The following RPGRIP1 variants were observed in gnomAD, a reference collection of about 807,000 sequenced individuals.
RPGRIP1 encodes RPGR interacting protein 1.
Under a neutral mutation model 157.9 loss-of-function variants are expected in RPGRIP1, and 128 were observed. The observed-to-expected ratio is 0.81, with a 90% CI of 0.70 to 0.94. The LOEUF is 0.94. Among genes scored for constraint, RPGRIP1 ranks in the 40% least tolerant of loss-of-function variants. The pLI is 0.00. For missense variants in RPGRIP1, 1,486 were observed against 1,545.8 expected (o/e 0.96, Z 0.65); for synonymous variants, 554 against 571.6 (o/e 0.97, Z 0.44).
chr14:21,297,286 G>A (rs1163964164), intron 3 of RPGRIP1, among the ~76,000 whole-genome samples: 1 of 152,018 alleles, frequency 6.6e-6, no homozygotes, highest in African/African-American at 2.4e-5. Context: ...GTAGAGACAG[G>A]GTTTCACCAT....
At position 21,320,636 on chromosome 14, in the gene RPGRIP1, G is replaced by T. The variant is rs1242175768; in HGVS notation, c.1467+459G>T. Among the ~76,000 whole-genome samples the T allele has an allele frequency of 5.7e-5, 5 of 88,082 alleles. 1 individual carries two copies. The highest frequency in any genetic ancestry group is 7.0e-4 in the East Asian group (2 of 2,854). 57.8% of individuals were successfully genotyped at this position (88,082 alleles called of 152,430 possible). ...TTTTTTGAGATGGAGTTTTGCTCTT[G>T]TTTCCCAGGCTGGAGTGCAATGGCG... On this transcript the variant is annotated intron_variant, in intron 12 of 24. Transcript: ENST00000400017.
chr14:21,344,960 GATTTTC>G (rs1885414771), intron 22 of RPGRIP1, among the ~76,000 whole-genome samples, 147 bp from the exon 23 acceptor site: 1 of 151,946 alleles, frequency 6.6e-6, no homozygotes, highest in Admixed American at 6.6e-5. Context: ...ACACACAAAT[GATTTTC>G]AAAGCAGTTG....
chr14:21,289,130 A>C (rs1271375479), intron 2 of RPGRIP1, among the ~76,000 whole-genome samples: 1 of 151,972 alleles, frequency 6.6e-6, no homozygotes, highest in African/African-American at 2.4e-5. Context: ...GATCGAGACC[A>C]TCCTGGCTAA....
chr14:21,325,638 G>A (rs1039674135), intron 16 of RPGRIP1, 193 bp from the exon 17 acceptor site: 3 of 630,208 alleles, frequency 4.8e-6, no homozygotes, highest in South Asian at 2.1e-5. Flanking sequence ...AAGTTAAGTC[G>A]TGAGTGCCAG....
chr14:21,317,484 C>A (rs1469381707), intron 10 of RPGRIP1: 2 of 1,242,086 alleles, frequency 1.6e-6, no homozygotes, highest in African/African-American at 3.0e-5. Context: ...ATATCTGAGA[C>A]CTAAACAGAA....
intron 12 of RPGRIP1, among the ~76,000 whole-genome samples, chr14:21,320,575 G>A (rs1264631683): frequency 1.4e-5 from 2 of 144,172 alleles, no homozygotes; most frequent in African/African-American, 2.6e-5. Flanking sequence ...ACAGGCGTAA[G>A]CCACCGCGCC....
intron 17 of RPGRIP1, 85 bp from the exon 18 acceptor site, chr14:21,327,538 G>T: frequency 1.9e-6 from 2 of 1,059,254 alleles, no homozygotes; most frequent in South Asian, 2.7e-5. Context: ...AATTAAAAAT[G>T]GGAAGGAAGT....
chr14:21,332,555 T>C (rs1448710350), intron 20 of RPGRIP1, among the ~76,000 whole-genome samples: 1 of 152,302 alleles, frequency 6.6e-6, no homozygotes, highest in East Asian at 1.9e-4. Flanking sequence ...ATAGCTTCAG[T>C]GTATCCAGAC....
intron 20 of RPGRIP1, among the ~76,000 whole-genome samples, chr14:21,332,404 G>A (rs1285141948): frequency 6.6e-6 from 1 of 152,130 alleles, no homozygotes; most frequent in Non-Finnish European, 1.5e-5. Flanking sequence ...GAATAACCAA[G>A]CCCAAAATTT....
intron 3 of RPGRIP1, among the ~76,000 whole-genome samples, chr14:21,295,734 C>T (rs1172135758): frequency 6.6e-6 from 1 of 152,040 alleles, no homozygotes; most frequent in Non-Finnish European, 1.5e-5. Context: ...CCTCGGCCTC[C>T]CAAATTGCTG....
rs747355604 is a variant in RPGRIP1, at chr14:21,326,077, A to C, written c.2614A>C (p.Ile872Leu). The change falls in exon 17 of 25, where the codon ATA becomes CTA. Residue 872 changes from isoleucine to leucine, a missense_variant. By Grantham distance (5) the Ile-to-Leu change is conservative. Coordinates refer to ENST00000400017, the MANE Select transcript of RPGRIP1 (RefSeq NM_020366.4). Reference protein sequence around the residue: ...DHYLRREALSIHVFDDEDLEP... With the variant: ...DHYLRREALSLHVFDDEDLEP... ...TTATCTGAGACGGGAGGCCTTGTCT[A>C]TACATGTTTTTGATGATGAAGACTT... 3 of 1,613,676 alleles carry C rather than the reference A, an allele frequency of 1.9e-6. No homozygotes were observed. The highest frequency in any genetic ancestry group is 1.7e-6 in the Non-Finnish European group (2 of 1,179,678).
At chr14:21,308,118 T>TA (rs1881393862) in intron 7 of RPGRIP1, among the ~76,000 whole-genome samples, 1 of 152,190 alleles carries the variant, frequency 6.6e-6, no homozygotes, top group South Asian at 2.1e-4. Flanking sequence ...TACGGTCCCC[T>TA]ACGAAGACCA....
intron 1 of RPGRIP1, among the ~76,000 whole-genome samples, chr14:21,281,209 G>T (rs1880112725): frequency 6.6e-6 from 1 of 151,742 alleles, no homozygotes; most frequent in Non-Finnish European, 1.5e-5. Context: ...GTAGAGACAG[G>T]GTTTTACCAT....
At chr14:21,280,775 A>T (rs550906982) in intron 1 of RPGRIP1, among the ~76,000 whole-genome samples, 13 of 151,594 alleles carry the variant, frequency 8.6e-5, no homozygotes, top group African/African-American at 3.1e-4. Context: ...ATATCCTCTT[A>T]ACACTGTTCT....
intron 14 of RPGRIP1, among the ~76,000 whole-genome samples, chr14:21,323,393 C>T (rs891810699): frequency 4.8e-4 from 73 of 151,812 alleles, no homozygotes; most frequent in African/African-American, 1.7e-3. Context: ...TGCATTCCAG[C>T]CTAGGCAACA....
chr14:21,314,498 T>C (rs1034311432), intron 10 of RPGRIP1, among the ~76,000 whole-genome samples: 4 of 152,058 alleles, frequency 2.6e-5, no homozygotes, highest in Non-Finnish European at 4.4e-5. Context: ...ATTCCTGTAA[T>C]CCCAGCACTT....
At chr14:21,321,431 A>G in intron 13 of RPGRIP1, 29 bp downstream of exon 13, 1 of 1,596,152 alleles carries the variant, frequency 6.3e-7, no homozygotes, top group Non-Finnish European at 8.5e-7. Context: ...CAGGAAGGGG[A>G]TGGATAACAG....
At chr14:21,334,087 TA>T (rs1884081310) in intron 20 of RPGRIP1, among the ~76,000 whole-genome samples, 1 of 151,940 alleles carries the variant, frequency 6.6e-6, no homozygotes, top group Non-Finnish European at 1.5e-5. Context: ...CAAGCCAGGC[TA>T]ATTTTGCATT....
intron 3 of RPGRIP1, among the ~76,000 whole-genome samples, 154 bp from the exon 4 acceptor site, chr14:21,300,812 C>T (rs937083105): frequency 6.9e-6 from 1 of 145,606 alleles, no homozygotes. Context: ...TTACAGTGTA[C>T]TGGGGACAGA....
Sources: gnomAD v4.1 joint callset for allele counts (sites outside exome capture counted in the v4.1 genomes callset) on GRCh38, gnomAD v4.1.1 for gene constraint, MANE v1.5 for transcripts, NCBI Gene and HGNC (gene_info 2026-07-23, HGNC 2026-07-21) for gene names.